Variants in HOXC4 observed in about 807,000 individuals in gnomAD.
The protein encoded by HOXC4 is homeobox C4.
A neutral mutation model predicts 25.5 loss-of-function variants in HOXC4; 15 were observed. That is an observed-to-expected ratio of 0.59 (90% confidence interval 0.39 to 0.91). HOXC4 has a LOEUF of 0.91. HOXC4 is among the 40% of genes least tolerant of loss of function. The probability of loss-of-function intolerance (pLI) is 0.00; values close to 1 mark genes in which losing one functional copy is unlikely to be tolerated. For synonymous variants in HOXC4, 165 were observed against 148.0 expected, an observed-to-expected ratio of 1.11 and a Z score of -0.83; for missense variants, 342 against 352.4, an observed-to-expected ratio of 0.97 and a Z score of 0.24.
chr12:54,034,679 G>T, intron 1 of HOXC4: 1 of 583,920 alleles, frequency 1.7e-6, no homozygotes, highest in South Asian at 2.0e-5. Flanking sequence ...TTCCCGCGGG[G>T]CTGTCGGCGC....
intron 1 of HOXC4, among the ~76,000 whole-genome samples, chr12:54,039,082 C>A (rs1047259751): frequency 6.6e-6 from 1 of 152,126 alleles, no homozygotes; most frequent in African/African-American, 2.4e-5. Flanking sequence ...CCTGTACTGG[C>A]CAGCCATGAA....
At chr12:54,032,683 T>C (rs905451479) in intron 1 of HOXC4, among the ~76,000 whole-genome samples, 2 of 152,172 alleles carry the variant, frequency 1.3e-5, no homozygotes, top group Non-Finnish European at 2.9e-5. Flanking sequence ...CTTCACAGTG[T>C]AGGAAATCCA....
chr12:54,025,945 C>A (rs192153782), intron 1 of HOXC4, among the ~76,000 whole-genome samples: 2 of 152,266 alleles, frequency 1.3e-5, no homozygotes, highest in South Asian at 2.1e-4. Context: ...TTCCCTCCCC[C>A]ACCCAGACAT....
intron 1 of HOXC4, among the ~76,000 whole-genome samples, chr12:54,046,048 C>A (rs772743958): frequency 6.6e-6 from 1 of 152,172 alleles, no homozygotes. Context: ...CTCCCTACAC[C>A]CCCCACTGGG....
chr12:54,034,496 C>T (rs2136450099), intron 1 of HOXC4: 1 of 1,611,798 alleles, frequency 6.2e-7, no homozygotes, highest in Non-Finnish European at 8.5e-7. Context: ...TCTTTAGAGG[C>T]AGCGGGGGAG....
intron 1 of HOXC4, among the ~76,000 whole-genome samples, chr12:54,023,466 T>C (rs12426706): frequency 5.3e-5 from 8 of 152,154 alleles, no homozygotes; most frequent in Non-Finnish European, 1.0e-4. Context: ...TCCATATACC[T>C]TTCTTCTCCG....
chr12:54,030,126 C>A, intron 1 of HOXC4: 1 of 631,926 alleles, frequency 1.6e-6, no homozygotes, highest in South Asian at 2.4e-5. Context: ...CTCTGGACCC[C>A]CTCCCTCACC....
At chr12:54,032,588 C>T (rs1182217253) in intron 1 of HOXC4, among the ~76,000 whole-genome samples, 4 of 152,176 alleles carry the variant, frequency 2.6e-5, no homozygotes, top group Non-Finnish European at 5.9e-5. Flanking sequence ...GCACTCTGTG[C>T]GTTATAAGTG....
At chr12:54,027,402 G>A (rs1940769289) in intron 1 of HOXC4, among the ~76,000 whole-genome samples, 1 of 152,218 alleles carries the variant, frequency 6.6e-6, no homozygotes, top group Non-Finnish European at 1.5e-5. Flanking sequence ...GAGCCTGCAG[G>A]AAGCTAACTG....
intron 1 of HOXC4, among the ~76,000 whole-genome samples, chr12:54,032,440 T>G (rs1025195783): frequency 6.6e-6 from 1 of 152,238 alleles, no homozygotes; most frequent in Non-Finnish European, 1.5e-5. Context: ...ACCTTTGGTT[T>G]AGGGAACCTA....
chr12:54,054,803 A>G (rs771694646), intron 1 of HOXC4, 47 bp from the exon 2 acceptor site: 2 of 1,282,322 alleles, frequency 1.6e-6, no homozygotes, highest in Non-Finnish European at 2.2e-6. Context: ...GGGGGCGGGG[A>G]GCCTGCTGCC....
chr12:54,019,383 G>T (rs1272632107), intron 1 of HOXC4, among the ~76,000 whole-genome samples: 1 of 152,202 alleles, frequency 6.6e-6, no homozygotes, highest in Non-Finnish European at 1.5e-5. Flanking sequence ...CGGCAGGCCG[G>T]AACCCGGAGT....
intron 1 of HOXC4, among the ~76,000 whole-genome samples, chr12:54,042,408 G>A (rs759882233): frequency 1.3e-5 from 2 of 152,250 alleles, no homozygotes; most frequent in Non-Finnish European, 2.9e-5. Flanking sequence ...CAGATCTCAT[G>A]AAGAGTTAGG....
At chr12:54,037,324 G>C (rs1481373254) in intron 1 of HOXC4, among the ~76,000 whole-genome samples, 1 of 152,210 alleles carries the variant, frequency 6.6e-6, no homozygotes, top group Non-Finnish European at 1.5e-5. Context: ...CAGGTAACAG[G>C]GTCTGGCATT....
intron 1 of HOXC4, chr12:54,020,428 C>A (rs1940383844): frequency 6.6e-6 from 1 of 152,186 alleles, no homozygotes; most frequent in Non-Finnish European, 1.5e-5. Context: ...CAGAGCAAAC[C>A]CTTTCTCACC....
chr12:54,047,133 C>G (rs550804845), intron 1 of HOXC4, among the ~76,000 whole-genome samples: 71 of 152,346 alleles, frequency 4.7e-4, no homozygotes, highest in African/African-American at 1.7e-3. Context: ...CCCCGCAAGC[C>G]TGGAGCCAGG....
Position 54,034,758 on chromosome 12 carries a change from C to T in HOXC4, c.-124+17344C>T, listed in dbSNP as rs762775385. On this transcript the variant is annotated intron_variant, in intron 1 of 3. Transcript: ENST00000303406. ...CCAGGGCAAGCTCCGCAGGACTTCC[C>T]CGGAGGGCTGCGGCGTACAGGCTGG... 3.0e-4 allele frequency: 142 copies of T among 470,306 alleles called. 1 individual carries two copies. In the East Asian group the frequency reaches 5.2e-3, roughly 17 times the overall value. The allele number at this position is 470,306 out of a possible 1,614,324, so 29.1% of individuals were successfully genotyped here.
chr12:54,022,279 A>T (rs1940483858), intron 1 of HOXC4: 1 of 152,124 alleles, frequency 6.6e-6, no homozygotes, highest in Non-Finnish European at 1.5e-5. Context: ...ATAGCATGTC[A>T]TTCTTCTCCC....
intron 1 of HOXC4, among the ~76,000 whole-genome samples, chr12:54,044,036 G>A (rs188320550): frequency 2.0e-4 from 30 of 151,912 alleles, no homozygotes; most frequent in Middle Eastern, 6.8e-3. Flanking sequence ...GGTGGAGGAT[G>A]GGGGCACAGG....
Sources: gnomAD v4.1 joint callset for allele counts (sites outside exome capture counted in the v4.1 genomes callset) on GRCh38, gnomAD v4.1.1 for gene constraint, MANE v1.5 for transcripts, NCBI Gene and HGNC (gene_info 2026-07-23, HGNC 2026-07-21) for gene names.